The following GRAMD1C variants were observed in gnomAD, a reference collection of about 807,000 sequenced individuals.
GRAMD1C encodes the protein GRAM domain containing 1C.
GRAMD1C carries 89 observed loss-of-function variants against 97.8 expected under a neutral mutation model. That is an observed-to-expected ratio of 0.91 (90% CI 0.77 to 1.09). GRAMD1C has a LOEUF of 1.09. GRAMD1C is among the 50% of genes least tolerant of loss of function. GRAMD1C has a pLI of 0.00. For missense variants in GRAMD1C, 740 were observed against 766.4 expected (o/e 0.97, Z 0.41); for synonymous variants, 256 against 267.0 (o/e 0.96, Z 0.40).
intron 1 of GRAMD1C, among the ~76,000 whole-genome samples, chr3:113,841,889 G>C (rs1196780220): frequency 6.6e-6 from 1 of 152,068 alleles, no homozygotes; most frequent in Non-Finnish European, 1.5e-5. Context: ...TAGAGAGGGG[G>C]CCTTGCTGTA....
intron 1 of GRAMD1C, among the ~76,000 whole-genome samples, chr3:113,833,409 T>C (rs561560733): frequency 6.6e-6 from 1 of 152,164 alleles, no homozygotes; most frequent in South Asian, 2.1e-4. Flanking sequence ...AGTGCTGAGA[T>C]TACAGGCGTG....
chr3:113,829,776 C>A (rs1252314382), intron 1 of GRAMD1C, among the ~76,000 whole-genome samples: 1 of 151,978 alleles, frequency 6.6e-6, no homozygotes, highest in Non-Finnish European at 1.5e-5. Context: ...CTGAGAAATG[C>A]GTCATTAGGC....
chr3:113,838,674 A>C, upstream of GRAMD1C: 1 of 365,834 alleles, frequency 2.7e-6, no homozygotes, highest in East Asian at 4.0e-5. Context: ...GGTTGGGAAT[A>C]GGGAAGTCTC....
rs1937515865 is a variant in GRAMD1C, at chr3:113,933,558, A to G, written c.1257A>G (p.Ser419=). 1.2e-6 allele frequency: 2 copies of G among 1,607,156 alleles called. No homozygotes were observed. The highest frequency in any genetic ancestry group is 1.7e-6 in the Non-Finnish European group (2 of 1,173,632). The stretch of plus-strand genomic sequence containing the variant: ...AAGCACGATTTTATTTGGTAGATTC[A>G]GAAGTACTGACACATGATGTCCCCT... ...SREARFYLVD[S]EVLTHDVPYH... Residue 419 remains serine, a synonymous_variant, in exon 12 of 18, where the codon TCA becomes TCG. Transcript: ENST00000358160.
At chr3:113,841,738 C>T (rs1006170602) in intron 1 of GRAMD1C, among the ~76,000 whole-genome samples, 6 of 152,128 alleles carry the variant, frequency 3.9e-5, no homozygotes, top group African/African-American at 1.4e-4. Context: ...TGCTCTGTCA[C>T]CTGGGCTGAA....
intron 1 of GRAMD1C, among the ~76,000 whole-genome samples, 178 bp from the exon 2 acceptor site, chr3:113,844,319 AAAAAAT>A (rs1278877053): frequency 6.6e-6 from 1 of 152,178 alleles, no homozygotes; most frequent in Admixed American, 6.5e-5. Context: ...AAGAATTTAA[AAAAAAT>A]AAAAATAAAT....
intron 2 of GRAMD1C, among the ~76,000 whole-genome samples, chr3:113,849,979 C>T (rs534191260): frequency 6.6e-6 from 1 of 150,900 alleles, no homozygotes; most frequent in African/African-American, 2.4e-5. Flanking sequence ...GGGCTGACCC[C>T]CCCACCTCCC....
chr3:113,866,651 T>C (rs1367669752), intron 2 of GRAMD1C, among the ~76,000 whole-genome samples: 2 of 152,232 alleles, frequency 1.3e-5, no homozygotes, highest in African/African-American at 4.8e-5. Flanking sequence ...GGTGACATTT[T>C]AATTCCTTTT....
At chr3:113,939,795 C>T (rs1333997063) in intron 15 of GRAMD1C, 91 bp from the exon 16 acceptor site, 14 of 692,542 alleles carry the variant, frequency 2.0e-5, no homozygotes, top group South Asian at 1.9e-4. Context: ...GTAGACAATA[C>T]ACATTTTTGA....
chr3:113,904,320 C>T (rs1936278736), intron 8 of GRAMD1C, 48 bp downstream of exon 8: 1 of 1,242,104 alleles, frequency 8.1e-7, no homozygotes, highest in Non-Finnish European at 1.2e-6. Flanking sequence ...CTGTCATGTC[C>T]TAATCAGAAT....
At position 113,939,869 on chromosome 3, in the gene GRAMD1C, T is replaced by C; in HGVS notation, c.1692-17T>C. On this transcript the variant is annotated splice_polypyrimidine_tract_variant and intron_variant, in intron 15 of 17. Transcript: ENST00000358160. ...GTCTGGAAAAGTGTGGATTAACATA[T>C]AATTTGCTCTGCCTAGTGTGTTGTT... 7.5e-7 allele frequency: 1 copy of C among 1,336,064 alleles called. No individual in the cohort carries two copies. Among genetic ancestry groups the C allele is most frequent in the Non-Finnish European group, 1.1e-6 (1 of 927,066 alleles). 82.8% of individuals were successfully genotyped at this position (1,336,064 alleles called of 1,614,324 possible).
At chr3:113,841,407 T>A (rs960704688) in intron 1 of GRAMD1C, among the ~76,000 whole-genome samples, 1 of 147,460 alleles carries the variant, frequency 6.8e-6, no homozygotes, top group Non-Finnish European at 1.5e-5. Flanking sequence ...TGCCTCAGCC[T>A]CCCAAGTAGC....
intron 2 of GRAMD1C, among the ~76,000 whole-genome samples, chr3:113,862,039 A>G (rs941640308): frequency 2.6e-5 from 4 of 152,198 alleles, no homozygotes; most frequent in Non-Finnish European, 1.5e-5. Context: ...CAGAGATCAC[A>G]TGCTTCACAA....
At chr3:113,882,619 A>C (rs1304989023) in intron 5 of GRAMD1C, 133 bp from the exon 6 acceptor site, 4 of 489,720 alleles carry the variant, frequency 8.2e-6, no homozygotes, top group East Asian at 6.0e-5. Context: ...TTAAATAAAA[A>C]TAGTATACAA....
intron 6 of GRAMD1C, among the ~76,000 whole-genome samples, chr3:113,898,028 A>G (rs2107440241): frequency 6.6e-6 from 1 of 152,300 alleles, no homozygotes; most frequent in South Asian, 2.1e-4. Flanking sequence ...AATCTACAAG[A>G]TGGTGAATTA....
At chr3:113,935,978 C>A (rs1215476654) in intron 13 of GRAMD1C, among the ~76,000 whole-genome samples, 1 of 152,078 alleles carries the variant, frequency 6.6e-6, no homozygotes, top group Non-Finnish European at 1.5e-5. Context: ...CCTGTTGTTT[C>A]CATAACTGAA....
intron 12 of GRAMD1C, 77 bp downstream of exon 12, chr3:113,933,730 G>C: frequency 2.0e-6 from 2 of 994,234 alleles, no homozygotes; most frequent in Non-Finnish European, 3.1e-6. Context: ...ATTCTTAGTA[G>C]TAGCTTTACA....
At chr3:113,926,884 T>C (rs1937247415) in intron 10 of GRAMD1C, among the ~76,000 whole-genome samples, 2 of 152,132 alleles carry the variant, frequency 1.3e-5, no homozygotes, top group African/African-American at 4.8e-5. Flanking sequence ...GTTAGAAATA[T>C]GTTGCACTGG....
At chr3:113,914,245 C>T (rs553162297) in intron 9 of GRAMD1C, among the ~76,000 whole-genome samples, 136 of 152,320 alleles carry the variant, frequency 8.9e-4, no homozygotes, top group Non-Finnish European at 1.5e-3. Context: ...TTCATTTCTA[C>T]GCTGAAGGAG....
Sources: allele counts gnomAD v4.1 joint callset (sites outside exome capture counted in the v4.1 genomes callset), GRCh38; gene constraint gnomAD v4.1.1; transcripts MANE v1.5; gene names NCBI Gene and HGNC (gene_info 2026-07-23, HGNC 2026-07-21).